ZSWIM5: variants seen among roughly 807,000 people sequenced by gnomAD.
The protein encoded by ZSWIM5 is zinc finger SWIM domain-containing protein 5.
In ZSWIM5, 55 loss-of-function variants were observed where a neutral mutation model predicts 119.6. The ratio of observed to expected loss-of-function variants is 0.46; its 90% confidence interval spans 0.37 to 0.58. The LOEUF is 0.58. ZSWIM5 is among the 20% of genes least tolerant of loss of function. The probability of loss-of-function intolerance (pLI) is 0.00; values close to 1 mark genes in which losing one functional copy is unlikely to be tolerated. For missense variants in ZSWIM5, 1,193 were observed against 1,512.8 expected (o/e 0.79, Z 3.51); for synonymous variants, 537 against 606.9 (o/e 0.88, Z 1.69).
intron 1 of ZSWIM5, among the ~76,000 whole-genome samples, chr1:45,184,787 G>A (rs1426113146): frequency 1.8e-4 from 28 of 152,078 alleles, no homozygotes; most frequent in Non-Finnish European, 1.6e-4. Context: ...ATGCTCATGG[G>A]TAGGAAGAAT....
intron 2 of ZSWIM5, among the ~76,000 whole-genome samples, chr1:45,085,430 G>C (rs1182495886): frequency 6.6e-6 from 1 of 151,946 alleles, no homozygotes; most frequent in African/African-American, 2.4e-5. Context: ...CTGAAACGGG[G>C]AATTGTTTTC....
At chr1:45,123,753 A>C (rs1370312528) in intron 1 of ZSWIM5, among the ~76,000 whole-genome samples, 6 of 152,214 alleles carry the variant, frequency 3.9e-5, no homozygotes, top group Admixed American at 1.3e-4. Context: ...CAGATTCAAG[A>C]AGCTGAATAA....
intron 1 of ZSWIM5, among the ~76,000 whole-genome samples, chr1:45,120,469 G>A (rs551657862): frequency 6.6e-4 from 98 of 148,280 alleles, no homozygotes; most frequent in Middle Eastern, 7.0e-3. Flanking sequence ...ACTCCACAGG[G>A]GCTACTTCTT....
At chr1:45,154,636 C>T (rs1328453130) in intron 1 of ZSWIM5, among the ~76,000 whole-genome samples, 2 of 152,156 alleles carry the variant, frequency 1.3e-5, no homozygotes, top group African/African-American at 4.8e-5. Flanking sequence ...AATCCCAACA[C>T]TTTGGGAGAC....
chr1:45,105,290 G>A (rs996308038), intron 1 of ZSWIM5, among the ~76,000 whole-genome samples: 2 of 152,132 alleles, frequency 1.3e-5, no homozygotes, highest in Non-Finnish European at 1.5e-5. Flanking sequence ...GCATGATCTC[G>A]GCTCGCTACA....
Position 45,026,420 on chromosome 1 carries a change from TA to T in ZSWIM5, c.2450-5633del, listed in dbSNP as rs201601576. Among the ~76,000 whole-genome samples, 152 of 151,112 alleles carry T rather than the reference TA, an allele frequency of 1.0e-3. 2 individuals are homozygous for T. In the East Asian group the frequency reaches 0.022, roughly 22 times the overall value. On this transcript the variant is annotated intron_variant, in intron 11 of 13. Transcript: ENST00000359600. ...CTAGTTTGCTAAGGGTTTTTTTTTT[TA>T]AATTATGAATGGGTGTCAGTTATGC...
At chr1:45,174,023 C>T (rs538516468) in intron 1 of ZSWIM5, among the ~76,000 whole-genome samples, 2 of 152,216 alleles carry the variant, frequency 1.3e-5, no homozygotes, top group East Asian at 3.9e-4. Flanking sequence ...GACTGTAATG[C>T]CAGCACTTTG....
At chr1:45,196,728 G>A (rs1371658717) in intron 1 of ZSWIM5, among the ~76,000 whole-genome samples, 2 of 151,976 alleles carry the variant, frequency 1.3e-5, no homozygotes, top group Non-Finnish European at 2.9e-5. Flanking sequence ...AAATTTTTGA[G>A]GTACAATTTA....
intron 1 of ZSWIM5, among the ~76,000 whole-genome samples, chr1:45,122,623 A>G (rs1202128830): frequency 6.6e-6 from 1 of 152,192 alleles, no homozygotes; most frequent in African/African-American, 2.4e-5. Flanking sequence ...TTTGTTTCAT[A>G]TATCTCAGAG....
intron 1 of ZSWIM5, among the ~76,000 whole-genome samples, chr1:45,191,531 A>G (rs192471141): frequency 8.5e-5 from 13 of 152,324 alleles, no homozygotes; most frequent in African/African-American, 3.1e-4. Context: ...CTCAAGTGCC[A>G]TCCCAGCTGC....
intron 1 of ZSWIM5, among the ~76,000 whole-genome samples, chr1:45,127,406 C>T (rs374970225): frequency 6.6e-6 from 1 of 151,130 alleles, no homozygotes; most frequent in African/African-American, 2.4e-5. Context: ...AAATGCTTTA[C>T]GCTAAGATAG....
intron 1 of ZSWIM5, among the ~76,000 whole-genome samples, chr1:45,157,744 T>G (rs770313444): frequency 6.6e-6 from 1 of 152,238 alleles, no homozygotes; most frequent in Non-Finnish European, 1.5e-5. Flanking sequence ...GGTAAGTGTA[T>G]GTATGGACCT....
intron 1 of ZSWIM5, among the ~76,000 whole-genome samples, chr1:45,201,037 G>C (rs1365482297): frequency 8.5e-5 from 13 of 152,152 alleles, no homozygotes; most frequent in Admixed American, 8.5e-4. Context: ...AATCCAATAT[G>C]ACCGGTGTCC....
intron 6 of ZSWIM5, among the ~76,000 whole-genome samples, chr1:45,040,900 G>A (rs1051482429): frequency 6.6e-6 from 1 of 152,110 alleles, no homozygotes; most frequent in Non-Finnish European, 1.5e-5. Context: ...TACATTTCCT[G>A]AAAACCTATT....
At chr1:45,175,547 C>T (rs1212365263) in intron 1 of ZSWIM5, among the ~76,000 whole-genome samples, 2 of 151,876 alleles carry the variant, frequency 1.3e-5, no homozygotes, top group African/African-American at 2.4e-5. Context: ...CCTTCTGGGC[C>T]CAAGCGATCC....
intron 2 of ZSWIM5, among the ~76,000 whole-genome samples, chr1:45,085,910 C>T (rs969950944): frequency 6.6e-5 from 10 of 152,182 alleles, no homozygotes; most frequent in African/African-American, 2.4e-4. Flanking sequence ...AAGCTGCTTC[C>T]ACATTTTCAG....
intron 1 of ZSWIM5, among the ~76,000 whole-genome samples, chr1:45,157,501 T>C (rs1050534430): frequency 1.3e-5 from 2 of 152,198 alleles, no homozygotes; most frequent in African/African-American, 4.8e-5. Flanking sequence ...GATACATTCA[T>C]GTTCTTTTTA....
chr1:45,111,707 TG>T (rs1645519699), intron 1 of ZSWIM5, among the ~76,000 whole-genome samples: 1 of 152,278 alleles, frequency 6.6e-6, no homozygotes, highest in Non-Finnish European at 1.5e-5. Flanking sequence ...TATCTTACGC[TG>T]TATCAATCTG....
intron 1 of ZSWIM5, among the ~76,000 whole-genome samples, chr1:45,162,856 G>A (rs1228010321): frequency 1.3e-5 from 2 of 152,246 alleles, no homozygotes; most frequent in Non-Finnish European, 2.9e-5. Context: ...CACAGCTCAA[G>A]GAGGCCTGCC....
Sources: allele counts gnomAD v4.1 joint callset (sites outside exome capture counted in the v4.1 genomes callset), GRCh38; gene constraint gnomAD v4.1.1; transcripts MANE v1.5; gene names NCBI Gene and HGNC (gene_info 2026-07-23, HGNC 2026-07-21).